The following FZD3 variants were observed in gnomAD, a reference collection of about 807,000 sequenced individuals.
The protein encoded by FZD3 is frizzled class receptor 3, also known as frizzled-3.
In FZD3, 30 loss-of-function variants were observed where a neutral mutation model predicts 60.7. The ratio of observed to expected loss-of-function variants is 0.49; its 90% CI spans 0.37 to 0.67. The LOEUF (loss-of-function observed/expected upper bound fraction) is 0.67, where lower values mean the gene tolerates loss of function less well. FZD3 is among the 30% of genes least tolerant of loss of function. The probability of loss-of-function intolerance (pLI) is 0.00; values close to 1 mark genes in which losing one functional copy is unlikely to be tolerated. For synonymous variants in FZD3, 246 were observed against 275.2 expected (o/e 0.89, Z 1.05); for missense variants, 605 against 838.7 (o/e 0.72, Z 3.44).
At chr8:28,544,936 T>C (rs1457982740) in intron 5 of FZD3, among the ~76,000 whole-genome samples, 1 of 152,208 alleles carries the variant, frequency 6.6e-6, no homozygotes, top group African/African-American at 2.4e-5. Flanking sequence ...CCTGAGTTGA[T>C]GCAGGGCGTT....
chr8:28,527,804 G>T lies in FZD3; in HGVS notation c.1044G>T (p.Ala348=). Residue 348 remains alanine (A), a synonymous_variant, in exon 5 of 8, where the codon GCG becomes GCT. Transcript: ENST00000240093. The surrounding 1 kb of genome is among the most constrained non-coding windows in gnomAD (Gnocchi z 5.0). The part of the protein sequence containing the change: ...IPGTLTIILL[A]MNKIEGDNIS... ...GAACTCTAACCATCATCCTTTTAGC[G>T]ATGAATAAAATTGAAGGTGACAATA... 1.2e-6 allele frequency: 2 copies of T among 1,614,112 alleles called. No individual in the cohort carries two copies. The highest frequency in any genetic ancestry group is 1.1e-5 in the South Asian group (1 of 91,076).
intron 3 of FZD3, among the ~76,000 whole-genome samples, chr8:28,515,850 G>A (rs1804413669): frequency 6.6e-6 from 1 of 152,160 alleles, no homozygotes; most frequent in East Asian, 1.9e-4. Flanking sequence ...CCGTTCTGTT[G>A]GTTGTCCGTT....
rs2130274726 is a variant in FZD3, at chr8:28,502,826, A to G, written c.-188A>G. 2.5e-6 allele frequency: 1 copy of G among 395,824 alleles called. No individual in the cohort carries two copies. Among genetic ancestry groups the G allele is most frequent in the East Asian group, 3.7e-5 (1 of 27,014 alleles). The allele number at this position is 395,824 out of a possible 1,614,324, so 24.5% of individuals were successfully genotyped here. ...GTCATTTTCCCATATTGTGAAACCA[A>G]AAACAAACGCCTTTTGTGAGACCAA... On this transcript the variant is annotated 5_prime_UTR_variant, in exon 3 of 8. Transcript: ENST00000240093.
chr8:28,533,905 C>T (rs1804944087), intron 5 of FZD3, among the ~76,000 whole-genome samples: 1 of 152,012 alleles, frequency 6.6e-6, no homozygotes, highest in Non-Finnish European at 1.5e-5. Flanking sequence ...CTTGTGCTTT[C>T]CAATCTTGCT....
rs1805746411 is a variant in FZD3, at chr8:28,568,576, A to C, written c.*5565A>C. On this transcript the variant is annotated 3_prime_UTR_variant, in exon 8 of 8. Coordinates refer to ENST00000240093, the MANE Select transcript of FZD3 (RefSeq NM_017412.4). ...TGTTGAAGTCTACCCAGAACCAGCC[A>C]TCCTTGTAGACATTTCTATTTGGTT... 6.6e-6 allele frequency: 1 copy of C among 152,166 alleles called. No individual in the cohort carries two copies. Among genetic ancestry groups the C allele is most frequent in the African/African-American group, 2.4e-5 (1 of 41,466 alleles). 9.4% of individuals were successfully genotyped at this position (152,166 alleles called of 1,614,324 possible).
chr8:28,501,256 A>G (rs568956574), intron 2 of FZD3, among the ~76,000 whole-genome samples: 15 of 152,336 alleles, frequency 9.8e-5, no homozygotes, highest in Admixed American at 3.3e-4. Flanking sequence ...AGTCAAGACC[A>G]TCTACTAGAG....
intron 3 of FZD3, among the ~76,000 whole-genome samples, chr8:28,519,187 C>T (rs1452506755): frequency 6.6e-6 from 1 of 152,074 alleles, no homozygotes; most frequent in South Asian, 2.1e-4. Context: ...ATTTGAAAGG[C>T]CTGGTGGTAA....
At chr8:28,551,980 A>G (rs1805419943) in intron 6 of FZD3, among the ~76,000 whole-genome samples, 1 of 152,222 alleles carries the variant, frequency 6.6e-6, no homozygotes, top group East Asian at 1.9e-4. Flanking sequence ...TCCTGTACTA[A>G]TTCAGAATAC....
chr8:28,497,424 G>T (rs1803872218), intron 1 of FZD3, among the ~76,000 whole-genome samples: 1 of 148,720 alleles, frequency 6.7e-6, no homozygotes, highest in Non-Finnish European at 1.5e-5. Context: ...TGTACACTGA[G>T]TGTATATTTT....
intron 3 of FZD3, among the ~76,000 whole-genome samples, chr8:28,506,864 TA>T (rs1254486962): frequency 1.3e-5 from 2 of 152,152 alleles, no homozygotes; most frequent in Admixed American, 1.3e-4. Flanking sequence ...AAAACTTTAT[TA>T]TGGAAATTTC....
intron 3 of FZD3, among the ~76,000 whole-genome samples, chr8:28,506,567 A>G (rs903820995): frequency 2.6e-5 from 4 of 152,216 alleles, no homozygotes; most frequent in African/African-American, 7.2e-5. Flanking sequence ...CCCACCCCAT[A>G]TATAGAGGAA....
chr8:28,503,913 G>C (rs767834512), intron 3 of FZD3, among the ~76,000 whole-genome samples: 1 of 152,088 alleles, frequency 6.6e-6, no homozygotes, highest in Non-Finnish European at 1.5e-5. Context: ...ACTTCAGTAA[G>C]GTACAAAGTG....
intron 3 of FZD3, among the ~76,000 whole-genome samples, chr8:28,516,391 TC>T (rs1384708422): frequency 7.9e-5 from 12 of 152,204 alleles, no homozygotes; most frequent in African/African-American, 2.9e-4. Context: ...CTCTTGTAAT[TC>T]CATATGAATT....
chr8:28,512,363 G>A (rs1187196877), intron 3 of FZD3, among the ~76,000 whole-genome samples: 3 of 152,052 alleles, frequency 2.0e-5, no homozygotes, highest in Non-Finnish European at 2.9e-5. Context: ...CATTAGTATG[G>A]TATCATCCTG....
In FZD3 at chr8:28,564,765, C is replaced by T. The variant is rs889517774; in HGVS notation, c.*1754C>T. 1 of 152,170 alleles carries T rather than the reference C, an allele frequency of 6.6e-6. No individual in the cohort carries two copies. The highest frequency in any genetic ancestry group is 1.9e-4 in the East Asian group (1 of 5,198). The allele number at this position is 152,170 out of a possible 1,614,324, so 9.4% of individuals were successfully genotyped here. ...TCATACTTTGAAGAATTATTCTAGA[C>T]TCTGAAGAGGCCTGGCTCTGCCTTA... On this transcript the variant is annotated 3_prime_UTR_variant, in exon 8 of 8. Transcript: ENST00000240093.
Position 28,494,264 on chromosome 8 carries a change from G to C in FZD3, c.-470G>C, listed in dbSNP as rs903565347. ...CGCGCCGGCGTTCCTCGGCCGCTCCGGGTACCTGAGGGACGCGCGGCCGCC... is the reference window on the plus strand; with the variant it reads ...CGCGCCGGCGTTCCTCGGCCGCTCCCGGTACCTGAGGGACGCGCGGCCGCC... On this transcript the variant is annotated 5_prime_UTR_variant, in exon 1 of 8. Transcript: ENST00000240093. The C allele has an allele frequency of 6.6e-6, 1 of 151,332 alleles. No homozygotes were observed. The highest frequency in any genetic ancestry group is 2.0e-4 in the East Asian group (1 of 5,078). The allele number at this position is 151,332 out of a possible 1,614,324, so 9.4% of individuals were successfully genotyped here.
At chr8:28,497,173 C>G (rs1803866233) in intron 1 of FZD3, among the ~76,000 whole-genome samples, 1 of 152,106 alleles carries the variant, frequency 6.6e-6, no homozygotes, top group Non-Finnish European at 1.5e-5. Context: ...TGTTTTAAGC[C>G]TTAATCACTT....
chr8:28,504,617 A>G (rs982875976), intron 3 of FZD3, among the ~76,000 whole-genome samples: 1 of 152,198 alleles, frequency 6.6e-6, no homozygotes, highest in Non-Finnish European at 1.5e-5. Context: ...TGTTTTCTTC[A>G]TTTGTGAAAA....
chr8:28,556,105 C>T (rs1805503551), intron 7 of FZD3, 134 bp downstream of exon 7: 1 of 644,964 alleles, frequency 1.6e-6, no homozygotes, highest in African/African-American at 1.8e-5. Flanking sequence ...TAGAGTTGTC[C>T]CAGACTATGG....
Sources: allele counts gnomAD v4.1 joint callset (sites outside exome capture counted in the v4.1 genomes callset), GRCh38; gene constraint gnomAD v4.1.1; non-coding constraint Gnocchi (gnomAD v3.1); transcripts MANE v1.5; gene names NCBI Gene and HGNC (gene_info 2026-07-23, HGNC 2026-07-21).